MEGF9: variants seen among roughly 807,000 people sequenced by gnomAD.
The protein encoded by MEGF9 is multiple EGF like domains 9.
Under a neutral mutation model 46.8 loss-of-function variants are expected in MEGF9, and 6 were observed. That is an observed-to-expected ratio of 0.13 (90% CI 0.07 to 0.25). The LOEUF is 0.25. MEGF9 is among the 10% of genes least tolerant of loss of function. The pLI, the probability that MEGF9 is intolerant of heterozygous loss-of-function variation, is 1.00. For synonymous variants in MEGF9, 302 were observed against 330.7 expected (o/e 0.91, Z 0.94); for missense variants, 683 against 792.4 (o/e 0.86, Z 1.66).
intron 1 of MEGF9, among the ~76,000 whole-genome samples, chr9:120,663,106 G>A (rs1333466410): frequency 6.6e-6 from 1 of 152,162 alleles, no homozygotes; most frequent in Admixed American, 6.5e-5. Flanking sequence ...CCACCCCAGG[G>A]ATAAGAAGGG....
intron 1 of MEGF9, among the ~76,000 whole-genome samples, chr9:120,675,194 C>G (rs2043767358): frequency 6.6e-6 from 1 of 152,168 alleles, no homozygotes; most frequent in African/African-American, 2.4e-5. Flanking sequence ...TGGAAATAAC[C>G]CAAATGTCCT....
intron 1 of MEGF9, among the ~76,000 whole-genome samples, chr9:120,669,542 A>G (rs1294605851): frequency 6.6e-6 from 1 of 152,002 alleles, no homozygotes; most frequent in Non-Finnish European, 1.5e-5. Flanking sequence ...AGCTAGCTAC[A>G]TTAATTAATA....
At chr9:120,709,198 G>A (rs924210940) in intron 1 of MEGF9, among the ~76,000 whole-genome samples, 10 of 152,042 alleles carry the variant, frequency 6.6e-5, no homozygotes, top group Admixed American at 1.3e-4. Context: ...AGGCTGAAGC[G>A]GGTAGATCAG....
chr9:120,663,220 T>G (rs892370929), intron 1 of MEGF9, among the ~76,000 whole-genome samples: 1 of 152,152 alleles, frequency 6.6e-6, no homozygotes, highest in Non-Finnish European at 1.5e-5. Flanking sequence ...CCAGGGAGCA[T>G]GGGCATCTTT....
rs10984973 is a variant in MEGF9 at position 120,652,465 on chromosome 9, C to T, written c.803+6909G>A. ...TTGCACTCCAGGCTGGGTGACAGAG[C>T]GAGATCTTGTCTTAAAAAAAAAAAA... On this transcript the variant is annotated intron_variant, in intron 2 of 5. Transcript: ENST00000373930. 5.4e-4 allele frequency among the ~76,000 whole-genome samples: 61 copies of T among 113,252 alleles called. No homozygotes were observed. The East Asian group carries it at 0.013, about 25-fold the overall frequency. 74.3% of individuals were successfully genotyped at this position (113,252 alleles called of 152,430 possible). A position where few individuals can be genotyped will look rare whatever the true frequency, so the allele number is the denominator to read the frequency against.
chr9:120,639,016 CT>C (rs2043590799), intron 2 of MEGF9, among the ~76,000 whole-genome samples: 2 of 152,146 alleles, frequency 1.3e-5, no homozygotes, highest in Non-Finnish European at 2.9e-5. Flanking sequence ...TGTAAAAATT[CT>C]TTATATACTT....
chr9:120,616,013 ATAAAT>A (rs1191564783), intron 3 of MEGF9, among the ~76,000 whole-genome samples: 7 of 152,234 alleles, frequency 4.6e-5, no homozygotes, highest in Admixed American at 3.3e-4. Flanking sequence ...AAGAAAACAA[ATAAAT>A]TAAAGATAGG....
intron 1 of MEGF9, among the ~76,000 whole-genome samples, chr9:120,675,897 A>AAC (rs1227965226): frequency 1.3e-5 from 2 of 151,074 alleles, no homozygotes; most frequent in African/African-American, 4.8e-5. Context: ...CAAAAAAAAA[A>AAC]AAAAAAAAAA....
At chr9:120,688,177 A>G (rs1384705202) in intron 1 of MEGF9, among the ~76,000 whole-genome samples, 1 of 151,464 alleles carries the variant, frequency 6.6e-6, no homozygotes, top group Admixed American at 6.6e-5. Flanking sequence ...ACACGCACGC[A>G]CACACAACTT....
At chr9:120,708,021 G>A (rs2043936467) in intron 1 of MEGF9, among the ~76,000 whole-genome samples, 1 of 151,782 alleles carries the variant, frequency 6.6e-6, no homozygotes, top group Non-Finnish European at 1.5e-5. Flanking sequence ...CTCCAGCCTG[G>A]GCAACTAAGT....
At chr9:120,696,223 T>C (rs2043876280) in intron 1 of MEGF9, among the ~76,000 whole-genome samples, 1 of 152,216 alleles carries the variant, frequency 6.6e-6, no homozygotes, top group Non-Finnish European at 1.5e-5. Flanking sequence ...ATTGAATCAA[T>C]AAATGATTTC....
rs1489838668 is a variant in MEGF9, at chr9:120,621,555, AC to A, written c.943+1060del. 2.0e-5 allele frequency among the ~76,000 whole-genome samples: 3 copies of A among 152,016 alleles called. No homozygotes were observed. The East Asian group carries it at 5.8e-4, about 29-fold the overall frequency. On this transcript the variant is annotated intron_variant, in intron 3 of 5. Coordinates refer to ENST00000373930, the MANE Select transcript of MEGF9 (RefSeq NM_001080497.3). ...TTCTATTGACATTTTGCCTCTCTTC[AC>A]CTATTTTGTCTGATTTTCCCTTTAT...
chr9:120,668,185 G>C (rs2043733675), intron 1 of MEGF9, among the ~76,000 whole-genome samples: 1 of 152,166 alleles, frequency 6.6e-6, no homozygotes. Context: ...TCATTGTAGG[G>C]AAAAGGAATT....
intron 1 of MEGF9, among the ~76,000 whole-genome samples, chr9:120,695,205 G>A (rs2043869311): frequency 6.6e-6 from 1 of 152,108 alleles, no homozygotes; most frequent in African/African-American, 2.4e-5. Context: ...GTACATGTTA[G>A]GGAGTGCCAA....
At chr9:120,707,913 C>T (rs150669462) in intron 1 of MEGF9, among the ~76,000 whole-genome samples, 113 of 152,190 alleles carry the variant, frequency 7.4e-4, no homozygotes, top group African/African-American at 2.4e-3. Flanking sequence ...GGTATGGTTG[C>T]GCATGCCTGT....
intron 4 of MEGF9, 63 bp downstream of exon 4, chr9:120,612,333 T>G (rs2043451140): frequency 6.5e-7 from 1 of 1,538,294 alleles, no homozygotes; most frequent in South Asian, 1.2e-5. Flanking sequence ...TCAATGCAAC[T>G]TATACCTATT....
intron 2 of MEGF9, among the ~76,000 whole-genome samples, chr9:120,645,050 TA>T (rs1273122208): frequency 6.6e-6 from 1 of 152,204 alleles, no homozygotes; most frequent in African/African-American, 2.4e-5. Flanking sequence ...AAAAATCATT[TA>T]AGTTGGGTTT....
At chr9:120,679,559 C>T (rs1161336210) in intron 1 of MEGF9, among the ~76,000 whole-genome samples, 2 of 151,904 alleles carry the variant, frequency 1.3e-5, no homozygotes, top group East Asian at 1.9e-4. Flanking sequence ...ACCAACATGG[C>T]ACATGTATAC....
chr9:120,686,555 T>C (rs75086827), intron 1 of MEGF9, among the ~76,000 whole-genome samples: 70 of 152,374 alleles, frequency 4.6e-4, no homozygotes, highest in African/African-American at 1.4e-3. Context: ...GGAGCTATCA[T>C]GATACAGTAT....
Sources: gnomAD v4.1 joint callset for allele counts (sites outside exome capture counted in the v4.1 genomes callset) on GRCh38, gnomAD v4.1.1 for gene constraint, MANE v1.5 for transcripts, NCBI Gene and HGNC (gene_info 2026-07-23, HGNC 2026-07-21) for gene names.